Variants in PLA2R1 observed in about 807,000 individuals in gnomAD.
The protein encoded by PLA2R1 is secretory phospholipase A2 receptor.
In PLA2R1, 158 loss-of-function variants were observed where a neutral mutation model predicts 195.9. That is an observed-to-expected ratio of 0.81 (90% confidence interval 0.71 to 0.92). The LOEUF (loss-of-function observed/expected upper bound fraction) is 0.92, where lower values mean the gene tolerates loss of function less well. Ranked by LOEUF, PLA2R1 falls within the 40% of genes least tolerant of loss-of-function variation. The pLI is 0.00. For missense variants in PLA2R1, 1,626 were observed against 1,764.6 expected, an observed-to-expected ratio of 0.92 and a Z score of 1.41; for synonymous variants, 586 against 598.2, an observed-to-expected ratio of 0.98 and a Z score of 0.30.
rs565670956 is a variant in PLA2R1, at chr2:159,945,013, G to A, written c.4037C>T (p.Thr1346Ile). Residue 1346 changes from threonine (T) to isoleucine (I), a missense_variant, in exon 28 of 30, where the codon ACA becomes ATA. Transcript: ENST00000283243. ...QSNWGIRKPD[T>I]DYFKPHHCVA... is the part of the protein sequence containing the mutation. Reference sequence around the variant, plus strand: ...ACAATGATGGGGCTTGAAGTAGTCTGTGTCTGGCTTCCGAATGCCCCAGTT... The same window carrying A: ...ACAATGATGGGGCTTGAAGTAGTCTATGTCTGGCTTCCGAATGCCCCAGTT... The A allele has an allele frequency of 2.5e-5, 40 of 1,613,578 alleles. No homozygotes were observed. The highest frequency in any genetic ancestry group is 3.4e-5 in the Non-Finnish European group (40 of 1,179,664).
At chr2:159,943,518 T>C (rs1043936539) in intron 28 of PLA2R1, among the ~76,000 whole-genome samples, 1 of 152,180 alleles carries the variant, frequency 6.6e-6, no homozygotes, top group Non-Finnish European at 1.5e-5. Flanking sequence ...GTTCTCAGGA[T>C]AGAAGCAGTG....
intron 3 of PLA2R1, among the ~76,000 whole-genome samples, chr2:160,041,603 T>G (rs991173327): frequency 6.6e-6 from 1 of 150,606 alleles, no homozygotes; most frequent in Non-Finnish European, 1.5e-5. Context: ...GGCTTGACAA[T>G]GGGCGAGACA....
intron 17 of PLA2R1, among the ~76,000 whole-genome samples, chr2:159,971,158 A>G (rs947061955): frequency 2.0e-5 from 3 of 152,198 alleles, no homozygotes; most frequent in African/African-American, 7.2e-5. Context: ...CAAAATATGT[A>G]CTTTTTAATA....
intron 14 of PLA2R1, among the ~76,000 whole-genome samples, chr2:159,978,484 T>A (rs1343642485): frequency 6.6e-6 from 1 of 152,226 alleles, no homozygotes; most frequent in Non-Finnish European, 1.5e-5. Context: ...CAGATATTAG[T>A]GAGAAGCTCG....
intron 27 of PLA2R1, 171 bp downstream of exon 27, chr2:159,946,630 G>C (rs909929786): frequency 2.2e-6 from 3 of 1,344,284 alleles, no homozygotes; most frequent in African/African-American, 3.1e-5. Flanking sequence ...AAGACAAAAG[G>C]GTAAAGAAAA....
At chr2:160,031,608 T>A (rs1693855317) in intron 4 of PLA2R1, among the ~76,000 whole-genome samples, 1 of 152,192 alleles carries the variant, frequency 6.6e-6, no homozygotes, top group Admixed American at 6.5e-5. Flanking sequence ...ACAGAGCGGT[T>A]AAATCACTTG....
intron 10 of PLA2R1, among the ~76,000 whole-genome samples, chr2:160,007,306 G>A (rs1352794586): frequency 6.6e-6 from 1 of 152,206 alleles, no homozygotes; most frequent in African/African-American, 2.4e-5. Context: ...GTGCTGGGAG[G>A]AGAAGGGCGG....
At chr2:160,001,613 TA>T (rs1470534957) in intron 11 of PLA2R1, among the ~76,000 whole-genome samples, 1 of 151,998 alleles carries the variant, frequency 6.6e-6, no homozygotes, top group African/African-American at 2.4e-5. Flanking sequence ...GAAAAAAATT[TA>T]AAAAATGTAC....
chr2:159,993,072 T>C (rs1471257031), intron 11 of PLA2R1, among the ~76,000 whole-genome samples: 3 of 152,172 alleles, frequency 2.0e-5, no homozygotes, highest in Non-Finnish European at 2.9e-5. Context: ...GACTCATCTA[T>C]TCTCTTTCAC....
intron 6 of PLA2R1, among the ~76,000 whole-genome samples, chr2:160,027,316 A>G (rs1693586135): frequency 6.6e-6 from 1 of 152,146 alleles, no homozygotes; most frequent in South Asian, 2.1e-4. Flanking sequence ...AAATGAAAAG[A>G]GAAGGAACGG....
chr2:159,942,872 T>G (rs1687161377), intron 28 of PLA2R1, among the ~76,000 whole-genome samples: 1 of 152,148 alleles, frequency 6.6e-6, no homozygotes, highest in Non-Finnish European at 1.5e-5. Flanking sequence ...GCAAAAGAAC[T>G]GCCTTGATGT....
chr2:160,032,831 G>A, intron 4 of PLA2R1, 128 bp downstream of exon 4: 1 of 750,150 alleles, frequency 1.3e-6, no homozygotes, highest in Non-Finnish European at 2.1e-6. Context: ...TGAGAGTTTT[G>A]GGCCATATTA....
intron 21 of PLA2R1, 51 bp from the exon 22 acceptor site, chr2:159,955,879 GTAA>G (rs1688054846): frequency 4.5e-6 from 5 of 1,119,170 alleles, no homozygotes; most frequent in Non-Finnish European, 6.5e-6. Context: ...AAGCATTTGG[GTAA>G]TCACTGCATC....
At chr2:159,955,458 C>T (rs558522092) in intron 22 of PLA2R1, 112 bp from the exon 23 acceptor site, 92 of 664,372 alleles carry the variant, frequency 1.4e-4, no homozygotes, top group South Asian at 6.3e-4. Context: ...TTCCTTTATT[C>T]GCATTTAATA....
At chr2:159,951,056 A>G (rs1020525247) in intron 24 of PLA2R1, among the ~76,000 whole-genome samples, 6 of 152,174 alleles carry the variant, frequency 3.9e-5, no homozygotes, top group African/African-American at 1.4e-4. Flanking sequence ...CATGCAAGGC[A>G]GTATCGGGGT....
intron 7 of PLA2R1, among the ~76,000 whole-genome samples, chr2:160,020,840 G>T (rs1183178740): frequency 6.6e-6 from 1 of 152,170 alleles, no homozygotes; most frequent in Non-Finnish European, 1.5e-5. Flanking sequence ...AATAGAAAAT[G>T]GACTAAGACA....
At chr2:160,007,626 C>T (rs1320426722) in intron 10 of PLA2R1, among the ~76,000 whole-genome samples, 1 of 152,072 alleles carries the variant, frequency 6.6e-6, no homozygotes, top group Admixed American at 6.5e-5. Flanking sequence ...CAATAGTGCC[C>T]CCAAAATACA....
chr2:160,005,074 C>T (rs1164874843), intron 11 of PLA2R1, among the ~76,000 whole-genome samples: 2 of 152,192 alleles, frequency 1.3e-5, no homozygotes, highest in African/African-American at 4.8e-5. Flanking sequence ...AGAAGCTGGA[C>T]TTGCTGCTAA....
At chr2:159,976,784 C>T (rs1205272104) in intron 15 of PLA2R1, 64 bp from the exon 16 acceptor site, 2 of 1,195,270 alleles carry the variant, frequency 1.7e-6, no homozygotes, top group East Asian at 2.4e-5. Flanking sequence ...CTGTGAATTA[C>T]TTCAGCTCTA....
Sources: allele counts gnomAD v4.1 joint callset (sites outside exome capture counted in the v4.1 genomes callset), GRCh38; gene constraint gnomAD v4.1.1; transcripts MANE v1.5; gene names NCBI Gene and HGNC (gene_info 2026-07-23, HGNC 2026-07-21).